PDE8B: variants seen among roughly 807,000 people sequenced by gnomAD.
PDE8B encodes phosphodiesterase 8B.
A neutral mutation model predicts 101.3 loss-of-function variants in PDE8B; 26 were observed. The ratio of observed to expected loss-of-function variants is 0.26; its 90% CI spans 0.19 to 0.36. The LOEUF (loss-of-function observed/expected upper bound fraction) is 0.36, where lower values mean the gene tolerates loss of function less well. Among genes scored for constraint, PDE8B ranks in the 10% least tolerant of loss-of-function variants. PDE8B has a pLI of 1.00. For missense variants in PDE8B, 810 were observed against 1,163.1 expected (o/e 0.70, Z 4.42); for synonymous variants, 424 against 429.3 (o/e 0.99, Z 0.15).
chr5:77,414,544 C>A (rs1003210076), intron 17 of PDE8B, among the ~76,000 whole-genome samples: 1 of 151,982 alleles, frequency 6.6e-6, no homozygotes, highest in African/African-American at 2.4e-5. Flanking sequence ...CCTCAGCCTC[C>A]TGAGTAGCTG....
intron 1 of PDE8B, among the ~76,000 whole-genome samples, chr5:77,271,896 G>A (rs1029355292): frequency 1.3e-5 from 2 of 152,232 alleles, no homozygotes; most frequent in African/African-American, 4.8e-5. Context: ...GGATGTGAAT[G>A]TAGTCAGTGC....
At chr5:77,316,509 G>T (rs970815938) in intron 2 of PDE8B, among the ~76,000 whole-genome samples, 23 of 152,118 alleles carry the variant, frequency 1.5e-4, no homozygotes, top group African/African-American at 5.6e-4. Context: ...TGGGATTACA[G>T]GGGTGAGCCA....
the PDE8B span, among the ~76,000 whole-genome samples, chr5:77,194,424 T>C: frequency 2.0e-5 from 3 of 152,370 alleles, no homozygotes; most frequent in Admixed American, 1.3e-4. Flanking sequence ...GACTTTTTTA[T>C]TGTGGTAAAA....
At chr5:77,318,068 A>AAAAC (rs869050421) in intron 2 of PDE8B, among the ~76,000 whole-genome samples, 4 of 150,900 alleles carry the variant, frequency 2.7e-5, no homozygotes, top group Admixed American at 6.6e-5. Context: ...AAAAAAAAAA[A>AAAAC]AAAAAAAAAC....
chr5:77,155,651 A>G, the PDE8B span, among the ~76,000 whole-genome samples: 1 of 152,214 alleles, frequency 6.6e-6, no homozygotes, highest in African/African-American at 2.4e-5. Context: ...GTTGGCTGTC[A>G]TCATCACTGA....
At chr5:77,093,575 G>A in the PDE8B span, among the ~76,000 whole-genome samples, 3 of 152,116 alleles carry the variant, frequency 2.0e-5, no homozygotes, top group Admixed American at 6.6e-5. Flanking sequence ...AGTGAGAATC[G>A]TGTGAGCTGA....
chr5:77,290,412 A>G, intron 1 of PDE8B: 1 of 1,410,582 alleles, frequency 7.1e-7, no homozygotes, highest in South Asian at 1.2e-5. Flanking sequence ...CAACTAGCCA[A>G]TAGCAAGAGT....
chr5:77,342,504 A>G (rs1051907211), intron 6 of PDE8B, among the ~76,000 whole-genome samples: 16 of 146,258 alleles, frequency 1.1e-4, no homozygotes, highest in African/African-American at 3.7e-4. Context: ...AAAAAATAAC[A>G]TTTTTCAGAG....
the PDE8B span, among the ~76,000 whole-genome samples, chr5:77,123,032 C>G: frequency 8.0e-3 from 1,223 of 152,266 alleles, 13 homozygotes; most frequent in Non-Finnish European, 0.013. Flanking sequence ...ACCAAGGTAG[C>G]TATGATTTAT....
chr5:77,276,924 A>G (rs1561456905), intron 1 of PDE8B, among the ~76,000 whole-genome samples: 1 of 152,046 alleles, frequency 6.6e-6, no homozygotes, highest in Non-Finnish European at 1.5e-5. Flanking sequence ...CACTTCCTTT[A>G]CCGTAACTCT....
intron 13 of PDE8B, 104 bp downstream of exon 13, chr5:77,407,561 G>A: frequency 1.2e-6 from 1 of 829,128 alleles, no homozygotes; most frequent in Non-Finnish European, 2.1e-6. Context: ...TCTAGTGGAA[G>A]AAGCAAATAA....
intron 1 of PDE8B, among the ~76,000 whole-genome samples, chr5:77,282,986 C>A (rs1315574936): frequency 2.0e-5 from 3 of 152,034 alleles, no homozygotes; most frequent in Non-Finnish European, 4.4e-5. Flanking sequence ...ACCTGTCCAA[C>A]CTGGGCCTGC....
At chr5:77,335,898 T>G (rs1017077240) in intron 5 of PDE8B, among the ~76,000 whole-genome samples, 8 of 152,144 alleles carry the variant, frequency 5.3e-5, no homozygotes, top group African/African-American at 1.4e-4. Context: ...TTTTTCTGAT[T>G]TCATTATTTC....
the PDE8B span, among the ~76,000 whole-genome samples, chr5:77,089,858 C>G: frequency 6.6e-6 from 1 of 152,172 alleles, no homozygotes; most frequent in Non-Finnish European, 1.5e-5. Context: ...CGTTTATAGC[C>G]ACACTATTCA....
At chr5:77,302,032 G>A (rs11745130) in intron 1 of PDE8B, among the ~76,000 whole-genome samples, 30,651 of 151,774 alleles carry the variant, frequency 0.2, 3,918 homozygotes, top group Middle Eastern at 0.38. Flanking sequence ...ATGCATAATC[G>A]ACATCAGGCT....
chr5:77,416,367 C>T (rs1396010264), intron 17 of PDE8B, among the ~76,000 whole-genome samples: 2 of 152,144 alleles, frequency 1.3e-5, no homozygotes, highest in South Asian at 4.1e-4. Flanking sequence ...GAGTTTGGGC[C>T]CCGTGGGTTC....
chr5:77,151,069 T>C, the PDE8B span, among the ~76,000 whole-genome samples: 1 of 152,262 alleles, frequency 6.6e-6, no homozygotes, highest in Non-Finnish European at 1.5e-5. Flanking sequence ...TTTTCTCTGT[T>C]CTGTTTCTGG....
At chr5:77,334,983 C>G (rs1422229169) in intron 5 of PDE8B, among the ~76,000 whole-genome samples, 1 of 152,238 alleles carries the variant, frequency 6.6e-6, no homozygotes, top group African/African-American at 2.4e-5. Context: ...TTTAAATACT[C>G]TGAGAAGTCC....
chr5:77,302,296 C>A (rs1397666522), intron 1 of PDE8B, among the ~76,000 whole-genome samples: 1 of 152,212 alleles, frequency 6.6e-6, no homozygotes, highest in Admixed American at 6.5e-5. Flanking sequence ...TAGCATCCCC[C>A]CTCCACTGGC....
Sources: gnomAD v4.1 joint callset for allele counts (sites outside exome capture counted in the v4.1 genomes callset) on GRCh38, gnomAD v4.1.1 for gene constraint, MANE v1.5 for transcripts, NCBI Gene and HGNC (gene_info 2026-07-23, HGNC 2026-07-21) for gene names.